The following PIK3CG variants were observed in gnomAD, a reference collection of about 807,000 sequenced individuals.
PIK3CG encodes the protein phosphatidylinositol 4,5-bisphosphate 3-kinase catalytic subunit gamma isoform.
Under a neutral mutation model 102.3 loss-of-function variants are expected in PIK3CG, and 55 were observed. That is an observed-to-expected ratio of 0.54 (90% CI 0.43 to 0.67). The LOEUF (loss-of-function observed/expected upper bound fraction) is 0.67, where lower values mean the gene tolerates loss of function less well. Among genes scored for constraint, PIK3CG ranks in the 30% least tolerant of loss-of-function variants. The probability of loss-of-function intolerance (pLI) is 0.00; values close to 1 mark genes in which losing one functional copy is unlikely to be tolerated. For synonymous variants in PIK3CG, 552 were observed against 540.0 expected (o/e 1.02, Z -0.31); for missense variants, 1,258 against 1,391.8 (o/e 0.90, Z 1.53).
rs771137585 is a variant in PIK3CG at position 106,867,596 on chromosome 7, TGA to T, written c.41_42del (p.Glu14GlyfsTer147). 2.2e-5 allele frequency: 36 copies of T among 1,603,534 alleles called. No homozygotes were observed. The highest frequency in any genetic ancestry group is 1.6e-4 in the Admixed American group (9 of 57,984). On this transcript the variant is annotated frameshift_variant, in exon 2 of 11. Coordinates refer to ENST00000496166, the MANE Select transcript of PIK3CG (RefSeq NM_001282426.2). LOFTEE classifies it high-confidence loss of function. The surrounding 1 kb of genome is among the most constrained non-coding windows in gnomAD (Gnocchi z 5.1). ...GAGAACTATAAACAGCCCGTGGTGC[TGA>T]GAGAGGACAACTGCCGAAGGCGCCG...
At position 106,880,333 on chromosome 7, in the gene PIK3CG, C is replaced by T. The variant is rs1790894343; in HGVS notation, c.2538+668C>T. On this transcript the variant is annotated intron_variant, in intron 6 of 10. Transcript: ENST00000496166. This position sits in a 1 kb window ranked among gnomAD's most constrained non-coding sequence, Gnocchi z 4.2. ...CTTAATATGGTTTATTTGAAGTAGA[C>T]AAATTACATTGATTTCAAGGTAGCC... is the stretch of plus-strand genomic sequence containing the variant. Among the ~76,000 whole-genome samples the T allele has an allele frequency of 6.6e-6, 1 of 152,190 alleles. No homozygotes were observed. Among genetic ancestry groups the T allele is most frequent in the Admixed American group, 6.5e-5 (1 of 15,272 alleles).
At chr7:106,875,799 A>G (rs1267610497) in intron 5 of PIK3CG, among the ~76,000 whole-genome samples, 1 of 152,158 alleles carries the variant, frequency 6.6e-6, no homozygotes, top group Non-Finnish European at 1.5e-5. Context: ...TAATTTTACA[A>G]GATACCATTT....
Position 106,872,981 on chromosome 7 carries a change from C to T in PIK3CG, c.2287+43C>T. The T allele has an allele frequency of 7.6e-7, 1 of 1,321,440 alleles. No homozygotes were observed. 81.9% of individuals were successfully genotyped at this position (1,321,440 alleles called of 1,614,324 possible). A position where few individuals can be genotyped will look rare whatever the true frequency, so the allele number is the denominator to read the frequency against. On this transcript the variant is annotated intron_variant, in intron 4 of 10. Coordinates refer to ENST00000496166, the MANE Select transcript of PIK3CG (RefSeq NM_001282426.2). This position sits in a 1 kb window ranked among gnomAD's most constrained non-coding sequence, Gnocchi z 5.3. ...TCTGTGTTCTCTTTCCAAATGCCTT[C>T]ATCTCCAAATGCCATTGTTCCTATA...
rs958339765 is a variant in PIK3CG, at chr7:106,906,329, A to G, written c.*942A>G. On this transcript the variant is annotated 3_prime_UTR_variant, in exon 11 of 11. Transcript: ENST00000496166. ...AGGATTATTAGAATCTTAGGTACTT[A>G]TTTGTAAAGATGTTTAGTGACTTTT... The G allele has an allele frequency of 2.2e-5, 5 of 228,756 alleles. No individual in the cohort carries two copies. Among genetic ancestry groups the G allele is most frequent in the African/African-American group, 1.1e-4 (5 of 45,090 alleles). 14.2% of individuals were successfully genotyped at this position (228,756 alleles called of 1,614,324 possible).
rs1362929448 is a variant in PIK3CG, at chr7:106,899,636, T to C, written c.3031-5473T>C. Among the ~76,000 whole-genome samples the C allele has an allele frequency of 6.6e-6, 1 of 152,198 alleles. No individual in the cohort carries two copies. Among genetic ancestry groups the C allele is most frequent in the East Asian group, 1.9e-4 (1 of 5,194 alleles). On this transcript the variant is annotated intron_variant, in intron 10 of 10. Coordinates refer to ENST00000496166, the MANE Select transcript of PIK3CG (RefSeq NM_001282426.2). This position sits in a 1 kb window ranked among gnomAD's most constrained non-coding sequence, Gnocchi z 4.6. ...TGGAGATAATCATGTGGTTTTTGTC[T>C]TTAGTTCTTTGTATGTGAGAATCAC...
chr7:106,902,734 TA>T lies in PIK3CG; in HGVS notation c.3031-2374del, dbSNP rs1791593136. ...TTTCTTATTGATTTTTAAGAACTAT[TA>T]GGGGGCTGGGGTTGAAAGAGTGATC... On this transcript the variant is annotated intron_variant, in intron 10 of 10. Transcript: ENST00000496166. The surrounding 1 kb of genome is among the most constrained non-coding windows in gnomAD (Gnocchi z 4.3). Among the ~76,000 whole-genome samples, 1 of 152,144 alleles carries T rather than the reference TA, an allele frequency of 6.6e-6. No individual in the cohort carries two copies. Among genetic ancestry groups the T allele is most frequent in the South Asian group, 2.1e-4 (1 of 4,824 alleles).
Position 106,884,121 on chromosome 7 carries a change from G to A in PIK3CG, c.2761-34G>A. 7.0e-7 allele frequency: 1 copy of A among 1,428,814 alleles called. No homozygotes were observed. Among genetic ancestry groups the A allele is most frequent in the Non-Finnish European group, 9.8e-7 (1 of 1,015,588 alleles). 88.5% of individuals were successfully genotyped at this position (1,428,814 alleles called of 1,614,324 possible). A position where few individuals can be genotyped will look rare whatever the true frequency, so the allele number is the denominator to read the frequency against. On this transcript the variant is annotated intron_variant, in intron 8 of 10. Transcript: ENST00000496166. The surrounding 1 kb of genome is among the most constrained non-coding windows in gnomAD (Gnocchi z 4.2). Reference sequence around the variant, plus strand: ...AGATTCATGATGCTTTTTGTAGTTAGAAGACAACTAATATTCAAATGCATT... The same window carrying A: ...AGATTCATGATGCTTTTTGTAGTTAAAAGACAACTAATATTCAAATGCATT...
At position 106,892,445 on chromosome 7, in the gene PIK3CG, G is replaced by T. The variant is rs1389757705; in HGVS notation, c.3030+6153G>T. On this transcript the variant is annotated intron_variant, in intron 10 of 10. Transcript: ENST00000496166. This position sits in a 1 kb window ranked among gnomAD's most constrained non-coding sequence, Gnocchi z 5.2. Reference sequence around the variant, plus strand: ...AAAGAAGGATCAGGTACTGCCTTTGGCAAGGCAAGATATTTTCCCAGTTTG... The same window carrying T: ...AAAGAAGGATCAGGTACTGCCTTTGTCAAGGCAAGATATTTTCCCAGTTTG... Among the ~76,000 whole-genome samples the T allele has an allele frequency of 6.6e-6, 1 of 152,244 alleles. No individual in the cohort carries two copies. Among genetic ancestry groups the T allele is most frequent in the Non-Finnish European group, 1.5e-5 (1 of 68,048 alleles).
At chr7:106,881,351 T>G (rs997487355) in intron 6 of PIK3CG, among the ~76,000 whole-genome samples, 1 of 152,216 alleles carries the variant, frequency 6.6e-6, no homozygotes, top group Non-Finnish European at 1.5e-5. Flanking sequence ...CCTATCCACA[T>G]TATAGGGCAA....
intron 9 of PIK3CG, among the ~76,000 whole-genome samples, chr7:106,885,613 G>A (rs1791063508): frequency 6.6e-6 from 1 of 152,202 alleles, no homozygotes; most frequent in Non-Finnish European, 1.5e-5. Context: ...GGTGATAGTA[G>A]TAGTGGTAGA....
At chr7:106,882,994 G>A in intron 7 of PIK3CG, 39 bp from the exon 8 acceptor site, 2 of 1,604,652 alleles carry the variant, frequency 1.2e-6, no homozygotes, top group Non-Finnish European at 1.7e-6. Context: ...CCAGGTACTG[G>A]CCCCCAATCT....
intron 9 of PIK3CG, among the ~76,000 whole-genome samples, chr7:106,885,411 ACAGTAGT>A (rs1791057253): frequency 6.6e-6 from 1 of 152,160 alleles, no homozygotes. Context: ...GTCCACTCTG[ACAGTAGT>A]CAGTAGTGGC....
rs1791726814 is a variant in PIK3CG, at chr7:106,907,779, A to AATATATATAAACATATATATGCTAAT, written c.*2401_*2402insAACATATATATGCTAATATATATATA. On this transcript the variant is annotated 3_prime_UTR_variant, in exon 11 of 11. Coordinates refer to ENST00000496166, the MANE Select transcript of PIK3CG (RefSeq NM_001282426.2). ...AATATATATATAACATATATATGCT[A>AATATATATAAACATATATATGCTAAT]ATATATATATATCACACATATATAT... Among the ~76,000 whole-genome samples the AATATATATAAACATATATATGCTAAT allele has an allele frequency of 2.0e-5, 3 of 147,128 alleles. No homozygotes were observed. Among genetic ancestry groups the AATATATATAAACATATATATGCTAAT allele is most frequent in the African/African-American group, 2.5e-5 (1 of 40,474 alleles).
rs1220492828 is a variant in PIK3CG at position 106,884,726 on chromosome 7, A to G, written c.2872+460A>G. Among the ~76,000 whole-genome samples, 1 of 152,108 alleles carries G rather than the reference A, an allele frequency of 6.6e-6. No individual in the cohort carries two copies. The highest frequency in any genetic ancestry group is 1.5e-5 in the Non-Finnish European group (1 of 68,016). On this transcript the variant is annotated intron_variant, in intron 9 of 10. Transcript: ENST00000496166. The surrounding 1 kb of genome is among the most constrained non-coding windows in gnomAD (Gnocchi z 4.2). ...ACACTTTTTTTTCAACTCACTTGCC[A>G]CTATAAAGCCTGCCACCAGATGCAG...
rs757808746 is a variant in PIK3CG, at chr7:106,867,578, A to G, written c.17A>G (p.Tyr6Cys). 3 of 1,584,978 alleles carry G rather than the reference A, an allele frequency of 1.9e-6. No homozygotes were observed. The highest frequency in any genetic ancestry group is 2.3e-5 in the South Asian group (2 of 88,096). Residue 6 changes from tyrosine to cysteine, a missense_variant, in exon 2 of 11, where the codon TAT becomes TGT. Physicochemically the swap from Tyr to Cys is radical, Grantham distance 194. This residue lies in a region of PIK3CG where 832 missense variants were observed against 787.5 expected (regional missense o/e 1.06). Coordinates refer to ENST00000496166, the MANE Select transcript of PIK3CG (RefSeq NM_001282426.2). This position sits in a 1 kb window ranked among gnomAD's most constrained non-coding sequence, Gnocchi z 5.1. The stretch of plus-strand genomic sequence containing the variant: ...GCATAGGGCATGGAGCTGGAGAACT[A>G]TAAACAGCCCGTGGTGCTGAGAGAG... The part of the protein sequence containing the change: MELEN[Y>C]KQPVVLREDN...
chr7:106,876,925 C>T (rs573362299), intron 5 of PIK3CG, among the ~76,000 whole-genome samples: 1 of 152,232 alleles, frequency 6.6e-6, no homozygotes, highest in East Asian at 1.9e-4. Flanking sequence ...AGGACTAGCA[C>T]AGTGTCTCAC....
rs542283240 is a variant in PIK3CG, at chr7:106,877,443, T to C, written c.2392-2076T>C. 1.3e-5 allele frequency among the ~76,000 whole-genome samples: 2 copies of C among 152,332 alleles called. No individual in the cohort carries two copies. The highest frequency in any genetic ancestry group is 4.1e-4 in the South Asian group (2 of 4,830). On this transcript the variant is annotated intron_variant, in intron 5 of 10. Coordinates refer to ENST00000496166, the MANE Select transcript of PIK3CG (RefSeq NM_001282426.2). The surrounding 1 kb of genome is among the most constrained non-coding windows in gnomAD (Gnocchi z 4.5). ...CAGTGCCAAGGTTAAGAAATTCTGG[T>C]TTAACTCAATGTGGCAGATATTTTT...
At position 106,908,158 on chromosome 7, in the gene PIK3CG, CA is replaced by C. The variant is rs774698366; in HGVS notation, c.*2772del. ...GACATAATTTGCAGAGCCCAGTGAACAGTGAAAATGCAGTCCCATCATTCAA... is the reference window on the plus strand; with the variant it reads ...GACATAATTTGCAGAGCCCAGTGAACGTGAAAATGCAGTCCCATCATTCAA... On this transcript the variant is annotated 3_prime_UTR_variant, in exon 11 of 11. Transcript: ENST00000496166. The surrounding 1 kb of genome is among the most constrained non-coding windows in gnomAD (Gnocchi z 4.1). 2.0e-5 allele frequency among the ~76,000 whole-genome samples: 3 copies of C among 152,090 alleles called. No individual in the cohort carries two copies. The highest frequency in any genetic ancestry group is 4.4e-5 in the Non-Finnish European group (3 of 68,018).
chr7:106,904,548 C>G (rs1245264573), intron 10 of PIK3CG, among the ~76,000 whole-genome samples: 2 of 152,184 alleles, frequency 1.3e-5, no homozygotes, highest in Admixed American at 1.3e-4. Flanking sequence ...CCCTCTCTCT[C>G]ACTCAGTGTT....
Sources: allele counts gnomAD v4.1 joint callset (sites outside exome capture counted in the v4.1 genomes callset), GRCh38; gene constraint gnomAD v4.1.1; regional missense constraint gnomAD v4.1.1; non-coding constraint Gnocchi (gnomAD v3.1); transcripts MANE v1.5; gene names NCBI Gene and HGNC (gene_info 2026-07-23, HGNC 2026-07-21).